Variants in ZBTB46 observed in about 807,000 individuals in gnomAD.
ZBTB46 encodes the protein zinc finger and BTB domain containing 46, also known as zinc finger and BTB domain-containing protein 46.
In ZBTB46, 8 loss-of-function variants were observed where a neutral mutation model predicts 44.1. That is an observed-to-expected ratio of 0.18 (90% CI 0.11 to 0.33). ZBTB46 has a LOEUF of 0.33. Ranked by LOEUF, ZBTB46 falls within the 10% of genes least tolerant of loss-of-function variation. ZBTB46 has a pLI of 1.00. For missense variants in ZBTB46, 651 were observed against 847.7 expected (o/e 0.77, Z 2.88); for synonymous variants, 409 against 382.3 (o/e 1.07, Z -0.81).
chr20:63,766,622 A>AGGCAC (rs1240249711), intron 3 of ZBTB46, among the ~76,000 whole-genome samples: 2 of 152,174 alleles, frequency 1.3e-5, no homozygotes, highest in African/African-American at 4.8e-5. Context: ...GCAGCTCAGA[A>AGGCAC]GGCACGGCCT....
At chr20:63,793,906 G>A (rs1490384855) in intron 1 of ZBTB46, among the ~76,000 whole-genome samples, 3 of 152,110 alleles carry the variant, frequency 2.0e-5, no homozygotes, top group Non-Finnish European at 4.4e-5. Context: ...TATCTGTCAG[G>A]CCAGGCGCGG....
chr20:63,827,294 C>T (rs1167065169), intron 1 of ZBTB46, among the ~76,000 whole-genome samples: 1 of 152,202 alleles, frequency 6.6e-6, no homozygotes, highest in African/African-American at 2.4e-5. Context: ...TCCGGTAAGA[C>T]GCAAAAGCCC....
chr20:63,785,366 G>A (rs2092506415), intron 2 of ZBTB46, among the ~76,000 whole-genome samples: 1 of 149,766 alleles, frequency 6.7e-6, no homozygotes, highest in African/African-American at 2.5e-5. Context: ...TTCGAGACAA[G>A]CCTGGCCAAT....
chr20:63,805,920 G>A (rs1008099957), intron 1 of ZBTB46, among the ~76,000 whole-genome samples: 6 of 151,760 alleles, frequency 4.0e-5, no homozygotes, highest in African/African-American at 1.5e-4. Context: ...TTATAGGTGT[G>A]TGCCACCACA....
chr20:63,804,702 G>A (rs1412016204), intron 1 of ZBTB46, among the ~76,000 whole-genome samples: 1 of 151,936 alleles, frequency 6.6e-6, no homozygotes, highest in African/African-American at 2.4e-5. Context: ...GACCAGCCTG[G>A]CCAACATGGT....
intron 3 of ZBTB46, among the ~76,000 whole-genome samples, chr20:63,763,390 A>C (rs1356756073): frequency 1.3e-5 from 2 of 152,170 alleles, no homozygotes; most frequent in African/African-American, 2.4e-5. Flanking sequence ...AAGAGGTTTG[A>C]TTGGCTCACG....
intron 3 of ZBTB46, among the ~76,000 whole-genome samples, chr20:63,753,599 C>T (rs750144604): frequency 6.6e-6 from 1 of 152,214 alleles, no homozygotes; most frequent in African/African-American, 2.4e-5. Context: ...TGAGAGAGCC[C>T]GGAGCAGCCA....
chr20:63,756,397 G>C (rs1025380599), intron 3 of ZBTB46, among the ~76,000 whole-genome samples: 3 of 152,176 alleles, frequency 2.0e-5, no homozygotes, highest in Non-Finnish European at 2.9e-5. Context: ...AAACCATCTG[G>C]ATATTGAATT....
At chr20:63,811,066 G>A (rs1377469426) in intron 1 of ZBTB46, among the ~76,000 whole-genome samples, 1 of 152,210 alleles carries the variant, frequency 6.6e-6, no homozygotes, top group Non-Finnish European at 1.5e-5. Context: ...CCAACAGGCA[G>A]GCGAAGAGTC....
chr20:63,778,952 C>G (rs1469645382), intron 2 of ZBTB46, among the ~76,000 whole-genome samples: 2 of 152,200 alleles, frequency 1.3e-5, no homozygotes, highest in East Asian at 3.9e-4. Context: ...GCCAGCAGAT[C>G]TGCTGTCTGG....
intron 2 of ZBTB46, chr20:63,788,108 C>T (rs2092530808): frequency 6.6e-6 from 1 of 152,342 alleles, no homozygotes; most frequent in African/African-American, 2.4e-5. Flanking sequence ...AGGACACCTC[C>T]ATTTCTTCTT....
intron 1 of ZBTB46, among the ~76,000 whole-genome samples, chr20:63,791,495 C>CA (rs59810640): frequency 0.37 from 21,999 of 59,018 alleles, 3,908 homozygotes; most frequent in Non-Finnish European, 0.44. Context: ...GACTCCATCT[C>CA]AAAAAAAAAA....
At chr20:63,802,664 C>G (rs2092655674) in intron 1 of ZBTB46, among the ~76,000 whole-genome samples, 4 of 149,194 alleles carry the variant, frequency 2.7e-5, no homozygotes, top group Non-Finnish European at 6.0e-5. Context: ...AACCTCAGAC[C>G]CCCAGCACCC....
chr20:63,816,894 C>G (rs1414706412), intron 1 of ZBTB46, among the ~76,000 whole-genome samples: 1 of 152,060 alleles, frequency 6.6e-6, no homozygotes, highest in African/African-American at 2.4e-5. Context: ...CATCTGAGGT[C>G]AGGAGTTCGA....
At chr20:63,753,639 T>G (rs1343188759) in intron 3 of ZBTB46, among the ~76,000 whole-genome samples, 9 of 152,224 alleles carry the variant, frequency 5.9e-5, no homozygotes. Context: ...GAGACCCACC[T>G]GAAGCCCGGT....
intron 2 of ZBTB46, among the ~76,000 whole-genome samples, chr20:63,779,844 G>A (rs2092454976): frequency 6.6e-6 from 1 of 152,014 alleles, no homozygotes; most frequent in Non-Finnish European, 1.5e-5. Context: ...ACAAGCATGA[G>A]CCACCATGCC....
intron 1 of ZBTB46, among the ~76,000 whole-genome samples, chr20:63,798,348 T>TA (rs1457168752): frequency 6.6e-6 from 1 of 151,992 alleles, no homozygotes; most frequent in Non-Finnish European, 1.5e-5. Context: ...TCTGTTCTAT[T>TA]GGAAACCCGG....
intron 1 of ZBTB46, among the ~76,000 whole-genome samples, chr20:63,799,556 C>T (rs2092627991): frequency 6.6e-6 from 1 of 152,132 alleles, no homozygotes; most frequent in African/African-American, 2.4e-5. Context: ...CCATGTTGGC[C>T]AGGCTGGTCT....
chr20:63,789,418 C>T (rs1398203294), intron 2 of ZBTB46, among the ~76,000 whole-genome samples: 2 of 152,230 alleles, frequency 1.3e-5, no homozygotes, highest in African/African-American at 4.8e-5. Flanking sequence ...CGAGTTACCC[C>T]AGTCAGGGCT....
Sources: gnomAD v4.1 joint callset for allele counts (sites outside exome capture counted in the v4.1 genomes callset) on GRCh38, gnomAD v4.1.1 for gene constraint, MANE v1.5 for transcripts, NCBI Gene and HGNC (gene_info 2026-07-23, HGNC 2026-07-21) for gene names.